Variants in LRMDA observed in about 807,000 individuals in gnomAD.
The protein encoded by LRMDA is leucine rich melanocyte differentiation associated, also known as leucine-rich melanocyte differentiation-associated protein.
In LRMDA, 18 loss-of-function variants were observed where a neutral mutation model predicts 29.8. The ratio of observed to expected loss-of-function variants is 0.60; its 90% CI spans 0.42 to 0.90. The LOEUF is 0.90. LRMDA is among the 40% of genes least tolerant of loss of function. The pLI, the probability that LRMDA is intolerant of heterozygous loss-of-function variation, is 0.00. For missense variants in LRMDA, 273 were observed against 273.9 expected, an observed-to-expected ratio of 1.00 and a Z score of 0.02; for synonymous variants, 125 against 109.4, an observed-to-expected ratio of 1.14 and a Z score of -0.89.
intron 2 of LRMDA, among the ~76,000 whole-genome samples, chr10:75,457,172 G>A (rs1844527518): frequency 6.6e-6 from 1 of 152,214 alleles, no homozygotes; most frequent in Non-Finnish European, 1.5e-5. Flanking sequence ...CATGCAGCTG[G>A]TCAGTGGGGG....
At chr10:76,016,451 C>T (rs2132486018) in intron 2 of LRMDA, among the ~76,000 whole-genome samples, 1 of 151,964 alleles carries the variant, frequency 6.6e-6, no homozygotes, top group Admixed American at 6.5e-5. Context: ...TGCTTTTCTC[C>T]CTTTTCTCTA....
At chr10:76,462,606 C>T (rs1361180940) in intron 6 of LRMDA, among the ~76,000 whole-genome samples, 1 of 152,210 alleles carries the variant, frequency 6.6e-6, no homozygotes, top group Non-Finnish European at 1.5e-5. Context: ...CATAGGTACA[C>T]AGTTCTTCTG....
At chr10:75,533,838 C>T (rs1267861451) in intron 2 of LRMDA, among the ~76,000 whole-genome samples, 1 of 152,132 alleles carries the variant, frequency 6.6e-6, no homozygotes, top group Non-Finnish European at 1.5e-5. Flanking sequence ...TTAATTGCAC[C>T]TCCTTGGAGG....
chr10:75,626,919 C>T (rs1405753101), intron 2 of LRMDA, among the ~76,000 whole-genome samples: 4 of 152,208 alleles, frequency 2.6e-5, no homozygotes, highest in Non-Finnish European at 2.9e-5. Context: ...GTTGCTCCAG[C>T]CATCGGGCTT....
At chr10:76,534,980 G>T (rs954115748) in intron 6 of LRMDA, among the ~76,000 whole-genome samples, 1 of 152,146 alleles carries the variant, frequency 6.6e-6, no homozygotes, top group African/African-American at 2.4e-5. Context: ...TTGTCTGCTT[G>T]CTTTCCTTGC....
At chr10:75,495,691 A>G (rs1268908504) in intron 2 of LRMDA, among the ~76,000 whole-genome samples, 1 of 152,188 alleles carries the variant, frequency 6.6e-6, no homozygotes, top group Non-Finnish European at 1.5e-5. Flanking sequence ...ACTTTACCTC[A>G]TAGAAGTCCC....
chr10:75,772,249 T>G (rs1222514111), intron 2 of LRMDA, among the ~76,000 whole-genome samples: 2 of 152,208 alleles, frequency 1.3e-5, no homozygotes, highest in African/African-American at 4.8e-5. Flanking sequence ...TTTTGTAAAA[T>G]TAGGACTTTA....
chr10:76,072,678 T>C (rs1349849678), intron 5 of LRMDA, among the ~76,000 whole-genome samples: 2 of 152,152 alleles, frequency 1.3e-5, no homozygotes, highest in Non-Finnish European at 2.9e-5. Context: ...GAAGGACATA[T>C]TTGGTTCAGG....
At chr10:75,704,321 T>C (rs1842341675) in intron 2 of LRMDA, among the ~76,000 whole-genome samples, 1 of 152,236 alleles carries the variant, frequency 6.6e-6, no homozygotes, top group South Asian at 2.1e-4. Context: ...GTCATGTTTA[T>C]ATTTTTTAAA....
intron 5 of LRMDA, among the ~76,000 whole-genome samples, chr10:76,128,900 G>A (rs1450060480): frequency 6.6e-6 from 1 of 152,184 alleles, no homozygotes. Flanking sequence ...GTTCCAAGGA[G>A]CGTCTACCTT....
At chr10:75,804,389 A>T (rs1166117470) in intron 2 of LRMDA, among the ~76,000 whole-genome samples, 1 of 152,162 alleles carries the variant, frequency 6.6e-6, no homozygotes, top group Non-Finnish European at 1.5e-5. Context: ...GATGTGATTT[A>T]TGTGATCAGA....
At chr10:75,857,207 G>A (rs372036639) in intron 2 of LRMDA, among the ~76,000 whole-genome samples, 20 of 152,152 alleles carry the variant, frequency 1.3e-4, no homozygotes, top group African/African-American at 3.9e-4. Context: ...CAGATTGTTG[G>A]GCACATAGGT....
chr10:75,916,491 C>G (rs1300805485), intron 2 of LRMDA, among the ~76,000 whole-genome samples: 2 of 152,296 alleles, frequency 1.3e-5, no homozygotes, highest in South Asian at 4.1e-4. Context: ...GGTGCTGCCT[C>G]TTGCCTTGCA....
At chr10:76,550,684 A>G (rs1024223109) in intron 6 of LRMDA, among the ~76,000 whole-genome samples, 2 of 152,042 alleles carry the variant, frequency 1.3e-5, no homozygotes, top group African/African-American at 4.8e-5. Flanking sequence ...GGTAAGGTGT[A>G]GAGCCTTTCT....
At chr10:75,511,624 C>T (rs2132032284) in intron 2 of LRMDA, among the ~76,000 whole-genome samples, 1 of 152,280 alleles carries the variant, frequency 6.6e-6, no homozygotes, top group South Asian at 2.1e-4. Context: ...GTTACCTGTC[C>T]ACATAATGGT....
At chr10:76,445,962 A>C (rs1193753455) in intron 6 of LRMDA, among the ~76,000 whole-genome samples, 2 of 152,192 alleles carry the variant, frequency 1.3e-5, no homozygotes, top group African/African-American at 4.8e-5. Flanking sequence ...TTTAGAAATA[A>C]CTGAAGTCCC....
chr10:75,676,576 T>C (rs1841962848), intron 2 of LRMDA, among the ~76,000 whole-genome samples: 1 of 152,126 alleles, frequency 6.6e-6, no homozygotes, highest in Non-Finnish European at 1.5e-5. Context: ...TCTTTTGGGG[T>C]TGCCATGGAA....
At position 76,481,435 on chromosome 10, in the gene LRMDA, C is replaced by A. The variant is rs187031983; in HGVS notation, c.602-75774C>A. 2.1e-3 allele frequency among the ~76,000 whole-genome samples: 324 copies of A among 152,004 alleles called. 3 individuals carry two copies. Among genetic ancestry groups the A allele is most frequent in the Middle Eastern group, 0.01 (3 of 294 alleles). On this transcript the variant is annotated intron_variant, in intron 6 of 6. Coordinates refer to ENST00000611255, the MANE Select transcript of LRMDA (RefSeq NM_001305581.2). ...GCCTTCTTTAGGGAGATATAAATCT[C>A]TTGCTGCTTTGGAGCTGCATACTGT...
At chr10:76,426,691 G>T (rs570572299) in intron 6 of LRMDA, among the ~76,000 whole-genome samples, 1 of 152,204 alleles carries the variant, frequency 6.6e-6, no homozygotes, top group East Asian at 1.9e-4. Flanking sequence ...CCTATGTCCT[G>T]AATGGTATTA....
Sources: allele counts gnomAD v4.1 joint callset (sites outside exome capture counted in the v4.1 genomes callset), GRCh38; gene constraint gnomAD v4.1.1; transcripts MANE v1.5; gene names NCBI Gene and HGNC (gene_info 2026-07-23, HGNC 2026-07-21).